Variants in TRIM2 observed in about 807,000 individuals in gnomAD.
TRIM2 encodes tripartite motif-containing protein 2.
Under a neutral mutation model 75.2 loss-of-function variants are expected in TRIM2, and 20 were observed. The observed-to-expected ratio is 0.27, with a 90% CI of 0.19 to 0.39. TRIM2 has a LOEUF of 0.39. Ranked by LOEUF, TRIM2 falls within the 10% of genes least tolerant of loss-of-function variation. TRIM2 has a pLI of 1.00. For missense variants in TRIM2, 660 were observed against 990.8 expected (o/e 0.67, Z 4.48); for synonymous variants, 373 against 388.3 (o/e 0.96, Z 0.46).
chr4:153,292,943 A>G (rs750811999), intron 3 of TRIM2, 39 bp from the exon 4 acceptor site: 1 of 1,548,348 alleles, frequency 6.5e-7, no homozygotes, highest in Non-Finnish European at 8.8e-7. Context: ...CCCTCAACCC[A>G]TGGCCCAGAA....
At chr4:153,153,453 G>A (rs1288543686) in intron 1 of TRIM2, among the ~76,000 whole-genome samples, 2 of 152,148 alleles carry the variant, frequency 1.3e-5, no homozygotes, top group Non-Finnish European at 2.9e-5. Flanking sequence ...GCGAGGAGGC[G>A]ACAGCCCGGA....
At chr4:153,255,311 A>G (rs1216986172) in intron 1 of TRIM2, among the ~76,000 whole-genome samples, 1 of 152,204 alleles carries the variant, frequency 6.6e-6, no homozygotes, top group African/African-American at 2.4e-5. Context: ...ACAAGACCAA[A>G]GATCTCTCCC....
chr4:153,201,212 A>G (rs537413253), upstream of TRIM2, among the ~76,000 whole-genome samples: 1 of 150,766 alleles, frequency 6.6e-6, no homozygotes, highest in Admixed American at 6.6e-5. Flanking sequence ...GATCCACCCA[A>G]CTCGGCCTCC....
At chr4:153,276,750 G>T (rs551189755) in intron 3 of TRIM2, among the ~76,000 whole-genome samples, 1 of 152,310 alleles carries the variant, frequency 6.6e-6, no homozygotes, top group South Asian at 2.1e-4. Flanking sequence ...ATTGGCTTTG[G>T]AGTCAGGCTG....
chr4:153,187,312 T>C (rs1381210232), intron 1 of TRIM2, among the ~76,000 whole-genome samples: 1 of 152,160 alleles, frequency 6.6e-6, no homozygotes, highest in Non-Finnish European at 1.5e-5. Context: ...AAGGACTTAC[T>C]AAGGGGCCAG....
intron 1 of TRIM2, among the ~76,000 whole-genome samples, chr4:153,190,800 C>T (rs372914824): frequency 1.3e-4 from 20 of 152,104 alleles, no homozygotes; most frequent in African/African-American, 2.9e-4. Context: ...TGCAGTGGCA[C>T]GATTTCAGCT....
At chr4:153,242,354 C>A (rs574277573) in intron 1 of TRIM2, among the ~76,000 whole-genome samples, 33 of 151,454 alleles carry the variant, frequency 2.2e-4, no homozygotes, top group Non-Finnish European at 2.8e-4. Flanking sequence ...AGGAGTCTGC[C>A]TTCTCTGTGA....
intron 1 of TRIM2, among the ~76,000 whole-genome samples, chr4:153,155,669 G>A (rs145844414): frequency 8.3e-4 from 126 of 152,154 alleles, no homozygotes; most frequent in African/African-American, 2.7e-3. Flanking sequence ...ATCATCTGCC[G>A]TTCATGGCCC....
chr4:153,315,274 A>T (rs1767347354), intron 6 of TRIM2, among the ~76,000 whole-genome samples: 1 of 152,222 alleles, frequency 6.6e-6, no homozygotes, highest in African/African-American at 2.4e-5. Flanking sequence ...ACATTTACTT[A>T]AAAAAGTGAT....
intron 1 of TRIM2, among the ~76,000 whole-genome samples, chr4:153,155,318 T>C (rs1251256714): frequency 1.3e-5 from 2 of 152,204 alleles, no homozygotes; most frequent in Non-Finnish European, 2.9e-5. Context: ...ATATCAAAAC[T>C]AGAAATAAAT....
intron 5 of TRIM2, among the ~76,000 whole-genome samples, chr4:153,294,849 C>A (rs1048977318): frequency 6.6e-6 from 1 of 152,172 alleles, no homozygotes; most frequent in African/African-American, 2.4e-5. Context: ...CTGACTGCAG[C>A]CTTTGTTTAA....
chr4:153,170,119 TGAA>T (rs909469025), intron 1 of TRIM2, among the ~76,000 whole-genome samples: 6 of 148,972 alleles, frequency 4.0e-5, no homozygotes, highest in African/African-American at 9.7e-5. Flanking sequence ...GCCTTTTTAC[TGAA>T]GAAGAAGGAG....
intron 4 of TRIM2, among the ~76,000 whole-genome samples, chr4:153,293,936 G>T (rs995779503): frequency 1.3e-5 from 2 of 152,170 alleles, no homozygotes; most frequent in African/African-American, 2.4e-5. Flanking sequence ...GGCGGGGAGA[G>T]CTATTGGTAT....
rs763080800 is a variant in TRIM2, at chr4:153,270,425, C to T, written c.121C>T (p.Arg41Cys). 2.5e-5 allele frequency: 41 copies of T among 1,613,982 alleles called. No individual in the cohort carries two copies. Among genetic ancestry groups the T allele is most frequent in the South Asian group, 6.6e-5 (6 of 91,012 alleles). ...CACCAACATCCCAAGTCCTGTGGTGCGCCAGATTGACAAGCAGTTTCTGAT... is the reference window on the plus strand; with the variant it reads ...CACCAACATCCCAAGTCCTGTGGTGTGCCAGATTGACAAGCAGTTTCTGAT... ...EGTNIPSPVV[R>C]QIDKQFLICS... Residue 41 changes from arginine to cysteine, a missense_variant, in exon 2 of 12, where the codon CGC (arginine) becomes TGC (cysteine). Physicochemically the swap from Arg to Cys is radical, Grantham distance 180. This residue lies in a region of TRIM2 where 620 missense variants were observed against 891.0 expected (regional missense o/e 0.70). Coordinates refer to ENST00000338700, the MANE Select transcript of TRIM2 (RefSeq NM_015271.5).
chr4:153,189,873 A>C (rs1733006464), intron 1 of TRIM2, among the ~76,000 whole-genome samples: 1 of 152,218 alleles, frequency 6.6e-6, no homozygotes, highest in South Asian at 2.1e-4. Context: ...ATTCAAAAGA[A>C]TGTAGTTTTG....
At chr4:153,245,359 G>A (rs1284075448) in intron 1 of TRIM2, among the ~76,000 whole-genome samples, 1 of 152,252 alleles carries the variant, frequency 6.6e-6, no homozygotes, top group Non-Finnish European at 1.5e-5. Flanking sequence ...TGTCCAGACA[G>A]TGAGTTAGGG....
chr4:153,295,234 T>G lies in TRIM2; in HGVS notation c.787-79T>G. 6.9e-7 allele frequency: 1 copy of G among 1,439,836 alleles called. No individual in the cohort carries two copies. The highest frequency in any genetic ancestry group is 9.1e-7 in the Non-Finnish European group (1 of 1,094,742). The allele number at this position is 1,439,836 out of a possible 1,614,324, so 89.2% of individuals were successfully genotyped here. On this transcript the variant is annotated intron_variant, in intron 5 of 11. Coordinates refer to ENST00000338700, the MANE Select transcript of TRIM2 (RefSeq NM_015271.5). The surrounding 1 kb of genome is among the most constrained non-coding windows in gnomAD (Gnocchi z 7.2). ...TGCGTGGGCAGGTGTAGAGTCTCCT[T>G]CTCGCCGGTGGAGGGCACTGCCCCG...
At position 153,315,577 on chromosome 4, in the gene TRIM2, C is replaced by A. The variant is rs114585315; in HGVS notation, c.1603C>A (p.Gln535Lys). 8 of 1,610,054 alleles carry A rather than the reference C, an allele frequency of 5.0e-6. No individual in the cohort carries two copies. The Admixed American group carries it at 1.0e-4, about 20-fold the overall frequency. ...GATATTAATTGCAGACAGTAACAAC[C>A]AATGTGTGCAGGTATAGCCCCTAAT... The part of the protein sequence containing the change: ...GKILIADSNN[Q>K]CVQIFSNDGQ... The change falls in exon 7 of 12, where the codon CAA becomes AAA. Residue 535 changes from glutamine to lysine, a missense_variant. Transcript: ENST00000338700.
At chr4:153,189,791 G>C (rs1394923973) in intron 1 of TRIM2, among the ~76,000 whole-genome samples, 1 of 152,164 alleles carries the variant, frequency 6.6e-6, no homozygotes, top group Non-Finnish European at 1.5e-5. Context: ...TATGCAAATT[G>C]AAGATTTATC....
Sources: allele counts gnomAD v4.1 joint callset (sites outside exome capture counted in the v4.1 genomes callset), GRCh38; gene constraint gnomAD v4.1.1; regional missense constraint gnomAD v4.1.1; non-coding constraint Gnocchi (gnomAD v3.1); transcripts MANE v1.5; gene names NCBI Gene and HGNC (gene_info 2026-07-23, HGNC 2026-07-21).